The following P4HA1 variants were observed in gnomAD, a reference collection of about 807,000 sequenced individuals.
P4HA1 encodes prolyl 4-hydroxylase subunit alpha-1.
P4HA1 carries 24 observed loss-of-function variants against 72.8 expected under a neutral mutation model. That is an observed-to-expected ratio of 0.33 (90% CI 0.24 to 0.46). P4HA1 has a LOEUF of 0.46. P4HA1 is among the 20% of genes least tolerant of loss of function. The probability of loss-of-function intolerance (pLI) is 1.00; values close to 1 mark genes in which losing one functional copy is unlikely to be tolerated. For synonymous variants in P4HA1, 201 were observed against 218.8 expected, an observed-to-expected ratio of 0.92 and a Z score of 0.72; for missense variants, 446 against 640.6, an observed-to-expected ratio of 0.70 and a Z score of 3.28.
At chr10:73,013,167 C>A (rs978687906) in intron 12 of P4HA1, among the ~76,000 whole-genome samples, 3 of 152,122 alleles carry the variant, frequency 2.0e-5, no homozygotes, top group Admixed American at 2.0e-4. Context: ...ATAATACATC[C>A]CAATATGTCC....
intron 9 of P4HA1, among the ~76,000 whole-genome samples, chr10:73,043,353 T>C (rs760776790): frequency 2.0e-5 from 3 of 152,236 alleles, no homozygotes; most frequent in Admixed American, 6.5e-5. Context: ...AGGAGTTCTA[T>C]TGTAATACTG....
rs975784549 is a variant in P4HA1, at chr10:73,088,956, G to A, written c.-33+7810C>T. 1.6e-4 allele frequency among the ~76,000 whole-genome samples: 24 copies of A among 152,226 alleles called. 1 individual carries two copies. The highest frequency in any genetic ancestry group is 1.3e-3 in the Admixed American group (20 of 15,294). On this transcript the variant is annotated intron_variant, in intron 1 of 14. Transcript: ENST00000394890. ...AACTTTGTTATTCTTTTTCAAAATTGTTTTAGCTTTTCTAGTTCCTTTGGT... is the reference window on the plus strand; with the variant it reads ...AACTTTGTTATTCTTTTTCAAAATTATTTTAGCTTTTCTAGTTCCTTTGGT...
At chr10:73,070,219 G>C (rs1469634457) in intron 4 of P4HA1, among the ~76,000 whole-genome samples, 1 of 128,776 alleles carries the variant, frequency 7.8e-6, no homozygotes, top group Non-Finnish European at 1.5e-5. Flanking sequence ...ATGCAGCAGT[G>C]CAATCTTGGC....
chr10:73,080,089 T>C (rs1326408295), intron 1 of P4HA1, among the ~76,000 whole-genome samples: 1 of 152,216 alleles, frequency 6.6e-6, no homozygotes, highest in Non-Finnish European at 1.5e-5. Flanking sequence ...CCCAGGGCCC[T>C]GATTCTTTGC....
At chr10:73,056,339 A>T (rs1439259327) in intron 5 of P4HA1, among the ~76,000 whole-genome samples, 1 of 152,206 alleles carries the variant, frequency 6.6e-6, no homozygotes, top group African/African-American at 2.4e-5. Flanking sequence ...ATGAACAAAT[A>T]AGATATCCTA....
At chr10:73,079,974 C>G (rs1841785959) in intron 1 of P4HA1, among the ~76,000 whole-genome samples, 2 of 152,182 alleles carry the variant, frequency 1.3e-5, no homozygotes, top group Non-Finnish European at 1.5e-5. Context: ...TCTGGAGTTG[C>G]TAAGCTCAGA....
Position 73,065,650 on chromosome 10 carries a change from A to G in P4HA1, c.463+3196T>C, listed in dbSNP as rs140795452. ...ACTCTCATACAATGCTGGTGACAGT[A>G]TAAATACATGCTCTGGAAAGCAATC... On this transcript the variant is annotated intron_variant, in intron 5 of 14. Transcript: ENST00000394890. 2.2e-3 allele frequency among the ~76,000 whole-genome samples: 328 copies of G among 152,352 alleles called. 2 individuals are homozygous for G. Among genetic ancestry groups the G allele is most frequent in the African/African-American group, 7.4e-3 (306 of 41,578 alleles).
Position 73,016,841 on chromosome 10 carries a change from C to G in P4HA1, c.1302+5G>C. 6.2e-7 allele frequency: 1 copy of G among 1,603,152 alleles called. No homozygotes were observed. The highest frequency in any genetic ancestry group is 1.1e-5 in the South Asian group (1 of 90,770). ...AGTGAATTTCTCCATTTCTTTTTCA[C>G]TTACCCGTGCAAAGTCAAAATGGGG... On this transcript the variant is annotated splice_donor_5th_base_variant and intron_variant, in intron 11 of 14. Coordinates refer to ENST00000394890, the MANE Select transcript of P4HA1 (RefSeq NM_001017962.3).
intron 1 of P4HA1, among the ~76,000 whole-genome samples, chr10:73,075,740 A>AGTGTGTGTGTGTGTG (rs1381459834): frequency 6.1e-5 from 9 of 148,558 alleles, no homozygotes; most frequent in African/African-American, 2.3e-4. Context: ...ATATATATAT[A>AGTGTGTGTGTGTGTG]TAGTGTGTGT....
chr10:73,088,337 G>A (rs574222571), intron 1 of P4HA1, among the ~76,000 whole-genome samples: 22 of 152,314 alleles, frequency 1.4e-4, no homozygotes, highest in African/African-American at 5.3e-4. Flanking sequence ...GGGTAAGTCT[G>A]TAAGAAAGCC....
chr10:73,011,177 C>CA, intron 12 of P4HA1, 140 bp from the exon 13 acceptor site: 1 of 528,850 alleles, frequency 1.9e-6, no homozygotes, highest in Non-Finnish European at 3.3e-6. Context: ...ACATGCTACT[C>CA]AGTTTTTCAA....
In P4HA1 at chr10:73,038,862, G is replaced by A. The variant is rs1171705869; in HGVS notation, c.1148+6119C>T. Among the ~76,000 whole-genome samples, 3 of 110,144 alleles carry A rather than the reference G, an allele frequency of 2.7e-5. 1 individual carries two copies. The highest frequency in any genetic ancestry group is 1.1e-4 in the African/African-American group (2 of 18,036). The allele number at this position is 110,144 out of a possible 152,430, so 72.3% of individuals were successfully genotyped here. A position where few individuals can be genotyped will look rare whatever the true frequency, so the allele number is the denominator to read the frequency against. ...GGGATGGTCTCGATCTCCTGACCTCGTGATCCGCCCGCCTCGGCCTCCCAA... is the reference window on the plus strand; with the variant it reads ...GGGATGGTCTCGATCTCCTGACCTCATGATCCGCCCGCCTCGGCCTCCCAA... On this transcript the variant is annotated intron_variant, in intron 9 of 14. Coordinates refer to ENST00000394890, the MANE Select transcript of P4HA1 (RefSeq NM_001017962.3).
intron 1 of P4HA1, among the ~76,000 whole-genome samples, chr10:73,081,306 TG>T (rs1841817675): frequency 6.6e-6 from 1 of 152,112 alleles, no homozygotes. Flanking sequence ...AAACTTACAC[TG>T]GAATAAAACT....
intron 1 of P4HA1, among the ~76,000 whole-genome samples, chr10:73,075,275 C>T (rs994380805): frequency 1.3e-5 from 2 of 151,994 alleles, no homozygotes; most frequent in African/African-American, 4.8e-5. Context: ...ACCCAGCTAA[C>T]TTTTTGTCTT....
intron 1 of P4HA1, among the ~76,000 whole-genome samples, chr10:73,080,836 G>C (rs970108032): frequency 1.1e-4 from 16 of 152,188 alleles, no homozygotes; most frequent in Admixed American, 2.0e-4. Flanking sequence ...GCTGAGGCAG[G>C]AGAATCACTT....
At chr10:73,045,233 T>A (rs1762573181) in intron 8 of P4HA1, among the ~76,000 whole-genome samples, 182 bp from the exon 9 acceptor site, 1 of 151,468 alleles carries the variant, frequency 6.6e-6, no homozygotes, top group Admixed American at 6.6e-5. Context: ...TTTTGGGGTT[T>A]TTTTTTTTTC....
chr10:73,072,748 C>T (rs868035770), intron 3 of P4HA1, among the ~76,000 whole-genome samples: 13 of 152,274 alleles, frequency 8.5e-5, no homozygotes, highest in Middle Eastern at 3.4e-3. Context: ...AACACTAACG[C>T]TACCATCACT....
intron 5 of P4HA1, among the ~76,000 whole-genome samples, chr10:73,056,752 T>C (rs1041771462): frequency 2.0e-5 from 3 of 151,052 alleles, no homozygotes; most frequent in Non-Finnish European, 4.4e-5. Flanking sequence ...AGTTCAAAAC[T>C]CATTAGGCTG....
intron 3 of P4HA1, among the ~76,000 whole-genome samples, chr10:73,073,249 T>G (rs1267355781): frequency 2.2e-5 from 3 of 137,686 alleles, no homozygotes; most frequent in East Asian, 4.6e-4. Flanking sequence ...TGAGATAGAG[T>G]CTGGCTCTGT....
Sources: allele counts gnomAD v4.1 joint callset (sites outside exome capture counted in the v4.1 genomes callset), GRCh38; gene constraint gnomAD v4.1.1; transcripts MANE v1.5; gene names NCBI Gene and HGNC (gene_info 2026-07-23, HGNC 2026-07-21).